Variants in HEPACAM observed in about 807,000 individuals in gnomAD.
HEPACAM encodes hepatic and glial cell adhesion molecule.
In HEPACAM, 18 loss-of-function variants were observed where a neutral mutation model predicts 38.3. The ratio of observed to expected loss-of-function variants is 0.47; its 90% CI spans 0.33 to 0.70. The LOEUF (loss-of-function observed/expected upper bound fraction) is 0.70. HEPACAM is among the 30% of genes least tolerant of loss of function. The pLI is 0.03. For synonymous variants in HEPACAM, 216 were observed against 243.1 expected (o/e 0.89, Z 1.04); for missense variants, 466 against 563.0 (o/e 0.83, Z 1.74).
chr11:124,920,549 G>C lies in HEPACAM; in HGVS notation c.*589C>G. 1 of 1,378,350 alleles carries C rather than the reference G, an allele frequency of 7.3e-7. No individual in the cohort carries two copies. The allele number at this position is 1,378,350 out of a possible 1,614,324, so 85.4% of individuals were successfully genotyped here. On this transcript the variant is annotated 3_prime_UTR_variant, in exon 7 of 7. Transcript: ENST00000298251. ...GGTCCCCAGGTACCAGGTGCCCAGG[G>C]AAGAAGGCCTTCACAATGATCCCCC... is the stretch of plus-strand genomic sequence containing the variant.
intron 1 of HEPACAM, among the ~76,000 whole-genome samples, chr11:124,928,114 C>T (rs1445993232): frequency 6.6e-6 from 1 of 152,170 alleles, no homozygotes; most frequent in Non-Finnish European, 1.5e-5. Flanking sequence ...GGTTCCATCT[C>T]ACCTGCTTTG....
At chr11:124,923,521 G>C (rs916264380) in intron 3 of HEPACAM, 88 bp from the exon 4 acceptor site, 8 of 1,170,368 alleles carry the variant, frequency 6.8e-6, no homozygotes, top group East Asian at 4.7e-5. Flanking sequence ...ATGGAAGAGA[G>C]GGGGAGCCCC....
chr11:124,922,463 A>G lies in HEPACAM; in HGVS notation c.878-5T>C, dbSNP rs1460102665. Reference sequence around the variant, plus strand: ...CACTTCGAGGGAGGGTGTCTGCTGCACAGGGGAGAGAAGCGGGTGGCTGGC... The same window carrying G: ...CACTTCGAGGGAGGGTGTCTGCTGCGCAGGGGAGAGAAGCGGGTGGCTGGC... On this transcript the variant is annotated splice_polypyrimidine_tract_variant and splice_region_variant and intron_variant, in intron 5 of 6. Transcript: ENST00000298251. 3 of 1,614,124 alleles carry G rather than the reference A, an allele frequency of 1.9e-6. No individual in the cohort carries two copies. Among genetic ancestry groups the G allele is most frequent in the Non-Finnish European group, 2.5e-6 (3 of 1,179,990 alleles).
chr11:124,920,107 T>C lies in HEPACAM; in HGVS notation c.*1031A>G. On this transcript the variant is annotated 3_prime_UTR_variant, in exon 7 of 7. Coordinates refer to ENST00000298251, the MANE Select transcript of HEPACAM (RefSeq NM_152722.5). ...GCAGGAGGCCAGGGGTTGGATCATG[T>C]TCCCCCCAAATGCTGGGAAGCAATA... 1 of 1,415,588 alleles carries C rather than the reference T, an allele frequency of 7.1e-7. No homozygotes were observed. The allele number at this position is 1,415,588 out of a possible 1,614,324, so 87.7% of individuals were successfully genotyped here. A position where few individuals can be genotyped will look rare whatever the true frequency, so the allele number is the denominator to read the frequency against.
Position 124,930,511 on chromosome 11 carries a change from G to A in HEPACAM, c.85+5411C>T, listed in dbSNP as rs963952694. ...AAGGAGTGTAGATGTTCAGGAATGC[G>A]TACCTAGTTAATAGGTATTAAGATG... On this transcript the variant is annotated intron_variant, in intron 1 of 6. Coordinates refer to ENST00000298251, the MANE Select transcript of HEPACAM (RefSeq NM_152722.5). Among the ~76,000 whole-genome samples, 7 of 151,964 alleles carry A rather than the reference G, an allele frequency of 4.6e-5. 1 individual carries two copies. The highest frequency in any genetic ancestry group is 6.8e-3 in the Middle Eastern group (2 of 294).
rs544124731 is a variant in HEPACAM at position 124,921,546 on chromosome 11, T to A, written c.949-106A>T. ...TCCGAGGGGAGGGACCTAGTTTCCC[T>A]CTGCACGCCCACCTCCTGGAAGGCT... is the stretch of plus-strand genomic sequence containing the variant. On this transcript the variant is annotated intron_variant, in intron 6 of 6. Transcript: ENST00000298251. This position sits in a 1 kb window ranked among gnomAD's most constrained non-coding sequence, Gnocchi z 4.6. 2.6e-4 allele frequency: 177 copies of A among 675,386 alleles called. No individual in the cohort carries two copies. In the East Asian group the frequency reaches 6.0e-3, roughly 23 times the overall value. 41.8% of individuals were successfully genotyped at this position (675,386 alleles called of 1,614,324 possible).
chr11:124,935,987 G>T lies in HEPACAM; in HGVS notation c.20C>A (p.Ala7Asp). The T allele has an allele frequency of 6.2e-7, 1 of 1,613,966 alleles. No homozygotes were observed. The highest frequency in any genetic ancestry group is 1.1e-5 in the South Asian group (1 of 91,080). ...CAGGGCCCTGGAGGCTCTGGACAGG[G>T]CTCCCCTTTCTCTCTTCATTTTGGG... MKRERG[A>D]LSRASRALRL... Residue 7 changes from alanine to aspartate, a missense_variant, in exon 1 of 7, where the codon GCC becomes GAC. Ala to Asp is a moderately radical substitution (Grantham distance 126). Transcript: ENST00000298251.
At position 124,919,676 on chromosome 11, in the gene HEPACAM, T is replaced by C. The variant is rs1309573442; in HGVS notation, c.*1462A>G. On this transcript the variant is annotated 3_prime_UTR_variant, in exon 7 of 7. Coordinates refer to ENST00000298251, the MANE Select transcript of HEPACAM (RefSeq NM_152722.5). ...GAGCTGAGACAGGCATGCTGTGGGG[T>C]TCAGGGCAGAGGGGGCAAACTAGAA... 1.3e-6 allele frequency: 2 copies of C among 1,532,852 alleles called. No homozygotes were observed. Among genetic ancestry groups the C allele is most frequent in the Admixed American group, 1.8e-5 (1 of 56,962 alleles). The allele number at this position is 1,532,852 out of a possible 1,614,324, so 95.0% of individuals were successfully genotyped here.
intron 1 of HEPACAM, among the ~76,000 whole-genome samples, chr11:124,927,340 T>G (rs1263740151): frequency 4.7e-5 from 7 of 149,268 alleles, no homozygotes; most frequent in Non-Finnish European, 8.9e-5. Flanking sequence ...GGGGGCTTCT[T>G]AACTCTGACT....
Position 124,935,926 on chromosome 11 carries a change from C to T in HEPACAM, c.81G>A (p.Gln27=). Residue 27 remains glutamine, a synonymous_variant, in exon 1 of 7, where the codon CAG becomes CAA. Transcript: ENST00000298251. The part of the protein sequence containing the change: ...LAPFVYLLLI[Q]TDPLEGVNIT... ...TCTTACCCTCTGGCCTCCTACCTGT[C>T]TGGATCAGAAGAAGGTAGACAAAAG... The T allele has an allele frequency of 2.5e-6, 4 of 1,613,910 alleles. No individual in the cohort carries two copies. Among genetic ancestry groups the T allele is most frequent in the Non-Finnish European group, 3.4e-6 (4 of 1,179,832 alleles).
intron 1 of HEPACAM, among the ~76,000 whole-genome samples, chr11:124,925,280 T>C (rs184452724): frequency 2.0e-4 from 30 of 152,362 alleles, no homozygotes; most frequent in Admixed American, 1.8e-3. Context: ...AGCCATCTCA[T>C]GGCCTTCAAT....
In HEPACAM at chr11:124,926,030, G is replaced by A. The variant is rs139005921; in HGVS notation, c.86-961C>T. ...AGCCTGGCCAACATGGCAAAACCCC[G>A]TCTCTACTAAAAATAAAAAAAATTA... is the stretch of plus-strand genomic sequence containing the variant. On this transcript the variant is annotated intron_variant, in intron 1 of 6. Coordinates refer to ENST00000298251, the MANE Select transcript of HEPACAM (RefSeq NM_152722.5). Among the ~76,000 whole-genome samples the A allele has an allele frequency of 9.7e-3, 1,477 of 152,120 alleles. 27 individuals carry two copies. The highest frequency in any genetic ancestry group is 0.034 in the African/African-American group (1,405 of 41,490).
chr11:124,923,245 TG>T, intron 4 of HEPACAM, 94 bp downstream of exon 4: 2 of 857,020 alleles, frequency 2.3e-6, no homozygotes, highest in Non-Finnish European at 4.0e-6. Context: ...TGCAAAACCC[TG>T]GGAGGAAAGG....
At chr11:124,922,565 A>G (rs1345613505) in intron 5 of HEPACAM, 107 bp from the exon 6 acceptor site, 1 of 1,598,192 alleles carries the variant, frequency 6.3e-7, no homozygotes. Flanking sequence ...CTCCACCAAC[A>G]TATCTGAATA....
At position 124,921,062 on chromosome 11, in the gene HEPACAM, G is replaced by T; in HGVS notation, c.*76C>A. 1 of 1,474,322 alleles carries T rather than the reference G, an allele frequency of 6.8e-7. No homozygotes were observed. Among genetic ancestry groups the T allele is most frequent in the Non-Finnish European group, 9.0e-7 (1 of 1,116,996 alleles). The allele number at this position is 1,474,322 out of a possible 1,614,324, so 91.3% of individuals were successfully genotyped here. On this transcript the variant is annotated 3_prime_UTR_variant, in exon 7 of 7. Transcript: ENST00000298251. The surrounding 1 kb of genome is among the most constrained non-coding windows in gnomAD (Gnocchi z 4.6). ...CCCTCGTCCCCAGCGCGCCGCGCCC[G>T]GGCTTCCCAGCCCCAGCTTTCCCCC... is the stretch of plus-strand genomic sequence containing the variant.
rs1947167284 is a variant in HEPACAM, at chr11:124,923,548, T to C, written c.710-115A>G. On this transcript the variant is annotated intron_variant, in intron 3 of 6. Transcript: ENST00000298251. ...GGGAGCCCCAGGCTGCATGCCTGGC[T>C]GATGCTGGTGGTGGAGCTTGTACAG... 7 of 1,094,040 alleles carry C rather than the reference T, an allele frequency of 6.4e-6. No homozygotes were observed. The Admixed American group carries it at 1.3e-4, about 20-fold the overall frequency. 67.8% of individuals were successfully genotyped at this position (1,094,040 alleles called of 1,614,324 possible).
At chr11:124,930,901 A>C (rs2135405784) in intron 1 of HEPACAM, among the ~76,000 whole-genome samples, 1 of 152,362 alleles carries the variant, frequency 6.6e-6, no homozygotes, top group East Asian at 1.9e-4. Context: ...TTGAAAAAGA[A>C]AACAGACTAT....
At position 124,920,547 on chromosome 11, in the gene HEPACAM, G is replaced by C. The variant is rs376511902; in HGVS notation, c.*591C>G. On this transcript the variant is annotated 3_prime_UTR_variant, in exon 7 of 7. Coordinates refer to ENST00000298251, the MANE Select transcript of HEPACAM (RefSeq NM_152722.5). ...TAGGTCCCCAGGTACCAGGTGCCCAGGGAAGAAGGCCTTCACAATGATCCC... is the reference window on the plus strand; with the variant it reads ...TAGGTCCCCAGGTACCAGGTGCCCACGGAAGAAGGCCTTCACAATGATCCC... 7.2e-7 allele frequency: 1 copy of C among 1,385,462 alleles called. No individual in the cohort carries two copies. Among genetic ancestry groups the C allele is most frequent in the African/African-American group, 1.4e-5 (1 of 69,136 alleles). 85.8% of individuals were successfully genotyped at this position (1,385,462 alleles called of 1,614,324 possible). A position where few individuals can be genotyped will look rare whatever the true frequency, so the allele number is the denominator to read the frequency against.
chr11:124,923,420 A>T lies in HEPACAM; in HGVS notation c.723T>A (p.Leu241=). 6.2e-7 allele frequency: 1 copy of T among 1,610,598 alleles called. No homozygotes were observed. Among genetic ancestry groups the T allele is most frequent in the Non-Finnish European group, 8.5e-7 (1 of 1,176,998 alleles). ...TGCCTCCTGTAGACAAGATGATGTA[A>T]AGGGAGCTTCTTCCTAGGGAGAGAG... ...VKITVYRRSS[L]YIILSTGGIF... The change falls in exon 4 of 7, where the codon CTT becomes CTA. Residue 241 remains leucine, a synonymous_variant. Transcript: ENST00000298251.
Sources: allele counts gnomAD v4.1 joint callset (sites outside exome capture counted in the v4.1 genomes callset), GRCh38; gene constraint gnomAD v4.1.1; non-coding constraint Gnocchi (gnomAD v3.1); transcripts MANE v1.5; gene names NCBI Gene and HGNC (gene_info 2026-07-23, HGNC 2026-07-21).